Variants in PLEKHG1 observed in about 807,000 individuals in gnomAD.
The protein encoded by PLEKHG1 is pleckstrin homology and RhoGEF domain containing G1, also known as pleckstrin homology domain-containing family G member 1.
In PLEKHG1, 44 loss-of-function variants were observed where a neutral mutation model predicts 100.8. That is an observed-to-expected ratio of 0.44 (90% CI 0.34 to 0.56). PLEKHG1 has a LOEUF of 0.56. PLEKHG1 is among the 20% of genes least tolerant of loss of function. The probability of loss-of-function intolerance (pLI) is 0.01; values close to 1 mark genes in which losing one functional copy is unlikely to be tolerated. For synonymous variants in PLEKHG1, 640 were observed against 662.5 expected, an observed-to-expected ratio of 0.97 and a Z score of 0.52; for missense variants, 1,545 against 1,720.9, an observed-to-expected ratio of 0.90 and a Z score of 1.81.
chr6:150,651,312 C>G (rs1323227153), intron 3 of PLEKHG1: 2 of 152,230 alleles, frequency 1.3e-5, no homozygotes, highest in Non-Finnish European at 2.9e-5. Context: ...TCTGAGCTCA[C>G]TGCAACCTCC....
intron 3 of PLEKHG1, among the ~76,000 whole-genome samples, chr6:150,781,454 G>A (rs963048891): frequency 2.0e-5 from 3 of 151,392 alleles, no homozygotes; most frequent in Non-Finnish European, 2.9e-5. Flanking sequence ...GCAGTGAGCC[G>A]AGATCATGCC....
chr6:150,794,675 A>G (rs1350364042), intron 4 of PLEKHG1, among the ~76,000 whole-genome samples: 7 of 152,168 alleles, frequency 4.6e-5, no homozygotes, highest in Non-Finnish European at 7.3e-5. Context: ...TCAAAAAAAT[A>G]AAGTCCTTAT....
At chr6:150,838,651 A>G (rs1160754059) in intron 15 of PLEKHG1, among the ~76,000 whole-genome samples, 1 of 152,200 alleles carries the variant, frequency 6.6e-6, no homozygotes, top group African/African-American at 2.4e-5. Context: ...TCCCCTACCC[A>G]TAGCATGGTT....
At chr6:150,727,999 C>A (rs2128613758) in intron 1 of PLEKHG1, among the ~76,000 whole-genome samples, 1 of 152,302 alleles carries the variant, frequency 6.6e-6, no homozygotes, top group Admixed American at 6.5e-5. Flanking sequence ...CTGGATGTTT[C>A]AGTTTGTCAG....
chr6:150,680,153 A>G (rs1420888539), intron 3 of PLEKHG1, among the ~76,000 whole-genome samples: 1 of 152,244 alleles, frequency 6.6e-6, no homozygotes, highest in Non-Finnish European at 1.5e-5. Flanking sequence ...TCATGGCACT[A>G]TAGTTCTCCC....
intron 1 of PLEKHG1, among the ~76,000 whole-genome samples, chr6:150,731,513 T>G (rs2128616377): frequency 6.6e-6 from 1 of 152,382 alleles, no homozygotes; most frequent in African/African-American, 2.4e-5. Context: ...GGATACTTTA[T>G]ATTCTAAAAA....
At chr6:150,607,051 GT>G (rs1476723757) in intron 1 of PLEKHG1, among the ~76,000 whole-genome samples, 2 of 152,026 alleles carry the variant, frequency 1.3e-5, no homozygotes, top group Non-Finnish European at 2.9e-5. Context: ...CCAACTTCTC[GT>G]GTGATTAAAG....
intron 14 of PLEKHG1, 115 bp from the exon 16 acceptor site, chr6:150,830,467 A>G (rs967319473): frequency 2.7e-6 from 2 of 739,414 alleles, no homozygotes; most frequent in African/African-American, 3.5e-5. Flanking sequence ...AGAAAAAAAT[A>G]AAAGAATATT....
chr6:150,822,832 T>G (rs558248581), intron 13 of PLEKHG1, among the ~76,000 whole-genome samples: 31 of 152,146 alleles, frequency 2.0e-4, no homozygotes, highest in South Asian at 6.2e-4. Flanking sequence ...ATACAAAAAT[T>G]CACCAGGCAT....
At chr6:150,724,715 A>C (rs1562463584) in intron 1 of PLEKHG1, among the ~76,000 whole-genome samples, 1 of 151,820 alleles carries the variant, frequency 6.6e-6, no homozygotes, top group Non-Finnish European at 1.5e-5. Context: ...ACCTGCCACT[A>C]CGCCTGGCTA....
At chr6:150,842,642 CATG>C (rs1777574683) in exon 16 of PLEKHG1, 1 of 152,144 alleles carries the variant, frequency 6.6e-6, no homozygotes, top group African/African-American at 2.4e-5. Context: ...TTTATTTGAA[CATG>C]ATATGAGTTT....
chr6:150,831,917 C>T lies in PLEKHG1; in HGVS notation c.2806C>T (p.Leu936=). Residue 936 remains leucine (L), a synonymous_variant, in exon 15 of 16, where the codon CTG becomes TTG. Transcript: ENST00000358517. This position sits in a 1 kb window ranked among gnomAD's most constrained non-coding sequence, Gnocchi z 4.1. Reference sequence around the variant, plus strand: ...CTTTATGAGCCTTAACCGGCTTTCTCTGGCTAGTGAAATGCCCCTCATGGA... The same window carrying T: ...CTTTATGAGCCTTAACCGGCTTTCTTTGGCTAGTGAAATGCCCCTCATGGA... 3.1e-6 allele frequency: 5 copies of T among 1,614,082 alleles called. No homozygotes were observed. Among genetic ancestry groups the T allele is most frequent in the Non-Finnish European group, 4.2e-6 (5 of 1,179,938 alleles).
At chr6:150,644,334 G>GT (rs57840463) in intron 2 of PLEKHG1, among the ~76,000 whole-genome samples, 28,292 of 117,572 alleles carry the variant, frequency 0.24, 4,117 homozygotes, top group Admixed American at 0.31. Context: ...TTCTTTTCGT[G>GT]TTTTTTTTTT....
chr6:150,740,205 C>T (rs1255244412), intron 2 of PLEKHG1, among the ~76,000 whole-genome samples: 1 of 152,222 alleles, frequency 6.6e-6, no homozygotes, highest in Non-Finnish European at 1.5e-5. Flanking sequence ...GTCCTGGGGG[C>T]ACCCCTCCCT....
rs60462437 is a variant in PLEKHG1 at position 150,763,024 on chromosome 6, C to CTTTTTTTTTTTTTTTTTTTTTTTTTTTTT, written c.412-5594_412-5593insTTTTTTTTTTTTTTTTTTTTTTTTTTTTT. On this transcript the variant is annotated intron_variant, in intron 2 of 15. Transcript: ENST00000358517. ...AGCACCAACAGGAGGGATAAAGCTT[C>CTTTTTTTTTTTTTTTTTTTTTTTTTTTTT]TTTTTTTTTTTTTTTTTTTTGAGAC... Among the ~76,000 whole-genome samples the CTTTTTTTTTTTTTTTTTTTTTTTTTTTTT allele has an allele frequency of 3.1e-4, 24 of 76,496 alleles. 1 individual carries two copies. Among genetic ancestry groups the CTTTTTTTTTTTTTTTTTTTTTTTTTTTTT allele is most frequent in the African/African-American group, 4.1e-4 (6 of 14,470 alleles). The allele number at this position is 76,496 out of a possible 152,430, so 50.2% of individuals were successfully genotyped here.
intron 3 of PLEKHG1, among the ~76,000 whole-genome samples, chr6:150,776,823 T>A (rs142428021): frequency 0.028 from 4,015 of 142,472 alleles, 27 homozygotes; most frequent in Admixed American, 0.052. Context: ...GTTGCAATCC[T>A]GGCGTACATG....
intron 1 of PLEKHG1, among the ~76,000 whole-genome samples, chr6:150,633,633 C>G (rs1019295633): frequency 4.6e-4 from 70 of 152,058 alleles, no homozygotes; most frequent in African/African-American, 1.3e-3. Context: ...AGAGGTGGTG[C>G]AGAGGGTAGA....
intron 10 of PLEKHG1, among the ~76,000 whole-genome samples, chr6:150,813,039 C>T (rs1328793717): frequency 6.6e-6 from 1 of 152,110 alleles, no homozygotes; most frequent in East Asian, 1.9e-4. Flanking sequence ...GGCGCGGTGG[C>T]TCACACCTGT....
intron 2 of PLEKHG1, among the ~76,000 whole-genome samples, chr6:150,737,506 A>G (rs991116739): frequency 6.6e-6 from 1 of 151,856 alleles, no homozygotes; most frequent in Non-Finnish European, 1.5e-5. Flanking sequence ...GTTAGCCAGG[A>G]TGGTCTCGAT....
Sources: gnomAD v4.1 joint callset for allele counts (sites outside exome capture counted in the v4.1 genomes callset) on GRCh38, gnomAD v4.1.1 for gene constraint, Gnocchi (gnomAD v3.1) non-coding constraint, MANE v1.5 for transcripts, NCBI Gene and HGNC (gene_info 2026-07-23, HGNC 2026-07-21) for gene names.